LAMA3: variants seen among roughly 807,000 people sequenced by gnomAD.
The protein encoded by LAMA3 is laminin subunit alpha-3.
LAMA3 carries 281 observed loss-of-function variants against 402.0 expected under a neutral mutation model. The observed-to-expected ratio is 0.70, with a 90% CI of 0.63 to 0.77. The LOEUF (loss-of-function observed/expected upper bound fraction) is 0.77, where lower values mean the gene tolerates loss of function less well. LAMA3 is among the 30% of genes least tolerant of loss of function. LAMA3 has a pLI of 0.00. For missense variants in LAMA3, 3,840 were observed against 4,215.5 expected (o/e 0.91, Z 2.47); for synonymous variants, 1,431 against 1,558.4 (o/e 0.92, Z 1.93).
rs2063817376 is a variant in LAMA3, at chr18:23,846,444, C to A, written c.3867C>A (p.Pro1289=). The A allele has an allele frequency of 6.2e-7, 1 of 1,613,784 alleles. No individual in the cohort carries two copies. The highest frequency in any genetic ancestry group is 1.3e-5 in the African/African-American group (1 of 75,064). The change falls in exon 31 of 75, where the codon CCC becomes CCA. Residue 1289 remains proline, a synonymous_variant. Transcript: ENST00000313654. The part of the protein sequence containing the change: ...SPEGGQCPCQ[P]NVIGRQCTRC... Reference sequence around the variant, plus strand: ...AGGGTGGGCAGTGCCCATGCCAGCCCAACGTCATCGGGCGGCAGTGCACCC... The same window carrying A: ...AGGGTGGGCAGTGCCCATGCCAGCCAAACGTCATCGGGCGGCAGTGCACCC...
At chr18:23,881,725 A>AG in intron 39 of LAMA3, among the ~76,000 whole-genome samples, 1 of 152,238 alleles carries the variant, frequency 6.6e-6, no homozygotes, top group Non-Finnish European at 1.5e-5. Flanking sequence ...GCCAATGTTA[A>AG]GCACCGCGTC....
intron 23 of LAMA3, among the ~76,000 whole-genome samples, chr18:23,829,583 C>T (rs2063454489): frequency 6.6e-6 from 1 of 152,174 alleles, no homozygotes; most frequent in African/African-American, 2.4e-5. Flanking sequence ...CATGAGGCCA[C>T]ATATTTGATT....
chr18:23,907,809 G>A lies in LAMA3; in HGVS notation c.6889G>A (p.Asp2297Asn), dbSNP rs758017873. ...AAAGAGCATGGTCAGAAAGGCCAAC[G>A]ACATCACAGATGAGGTTCTGGATGG... Reference protein sequence around the residue: ...SAKSMVRKANDITDEVLDGLN... With the variant: ...SAKSMVRKANNITDEVLDGLN... The change falls in exon 54 of 75, where the codon GAC (aspartate) becomes AAC (asparagine). Residue 2297 changes from aspartate (D) to asparagine (N), a missense_variant. This residue lies in a region of LAMA3 where 891 missense variants were observed against 857.5 expected (regional missense o/e 1.04). Coordinates refer to ENST00000313654, the MANE Select transcript of LAMA3 (RefSeq NM_198129.4). 9 of 1,614,024 alleles carry A rather than the reference G, an allele frequency of 5.6e-6. No homozygotes were observed. Among genetic ancestry groups the A allele is most frequent in the East Asian group, 2.2e-5 (1 of 44,882 alleles).
At chr18:23,817,814 T>C (rs1275629896) in intron 18 of LAMA3, among the ~76,000 whole-genome samples, 1 of 152,114 alleles carries the variant, frequency 6.6e-6, no homozygotes, top group East Asian at 1.9e-4. Context: ...GTAGGTTTGT[T>C]TTCCTGAAGA....
intron 62 of LAMA3, among the ~76,000 whole-genome samples, chr18:23,923,418 A>G (rs2081908663): frequency 6.6e-6 from 1 of 152,250 alleles, no homozygotes; most frequent in Non-Finnish European, 1.5e-5. Context: ...CAGGGATCAG[A>G]TTCCAAATAT....
At chr18:23,796,099 C>G (rs1351106482) in intron 12 of LAMA3, 2 of 441,194 alleles carry the variant, frequency 4.5e-6, no homozygotes, top group South Asian at 3.2e-5. Context: ...GCACCTGGAT[C>G]TTGGACTTCC....
chr18:23,735,109 C>T (rs540257167), intron 2 of LAMA3, among the ~76,000 whole-genome samples: 4 of 152,292 alleles, frequency 2.6e-5, no homozygotes, highest in Non-Finnish European at 4.4e-5. Context: ...AAGGGTTCCT[C>T]GTAGACTGCA....
chr18:23,706,093 AATATTAT>A (rs1568096452), intron 1 of LAMA3, among the ~76,000 whole-genome samples: 2 of 152,042 alleles, frequency 1.3e-5, no homozygotes, highest in Admixed American at 6.6e-5. Context: ...TTTTTCACTT[AATATTAT>A]ATTGCTGAGA....
Position 23,820,010 on chromosome 18 carries a change from A to C in LAMA3, c.2304+13A>C. Reference sequence around the variant, plus strand: ...GACCTCAGTACAGGTACGCAACCCGAAGAGAGCAGCTTCATGGCTGAGTAG... The same window carrying C: ...GACCTCAGTACAGGTACGCAACCCGCAGAGAGCAGCTTCATGGCTGAGTAG... On this transcript the variant is annotated intron_variant, in intron 19 of 74. Transcript: ENST00000313654. 1 of 1,613,922 alleles carries C rather than the reference A, an allele frequency of 6.2e-7. No homozygotes were observed. Among genetic ancestry groups the C allele is most frequent in the Non-Finnish European group, 8.5e-7 (1 of 1,179,854 alleles).
chr18:23,851,742 C>T (rs1486479118), intron 32 of LAMA3, among the ~76,000 whole-genome samples: 1 of 152,190 alleles, frequency 6.6e-6, no homozygotes, highest in Non-Finnish European at 1.5e-5. Flanking sequence ...TATCCTATTC[C>T]ACCTTTATTG....
chr18:23,844,548 G>A (rs915264352), intron 29 of LAMA3, among the ~76,000 whole-genome samples: 7 of 152,184 alleles, frequency 4.6e-5, no homozygotes. Context: ...CTCTGCCTGG[G>A]AACTCATCAT....
At chr18:23,946,940 C>CT (rs1166113918) in intron 70 of LAMA3, 1 of 152,424 alleles carries the variant, frequency 6.6e-6, no homozygotes, top group Non-Finnish European at 1.5e-5. Flanking sequence ...AAAGCTGTTC[C>CT]TTGTCCTCGT....
chr18:23,797,611 A>C (rs2062789545), intron 12 of LAMA3, among the ~76,000 whole-genome samples: 2 of 152,106 alleles, frequency 1.3e-5, no homozygotes, highest in African/African-American at 4.8e-5. Context: ...GCTACTCGGG[A>C]GGCTGAGGCA....
At chr18:23,753,700 G>C (rs1397139891) in intron 5 of LAMA3, 21 bp from the exon 6 acceptor site, 1 of 1,593,882 alleles carries the variant, frequency 6.3e-7, no homozygotes, top group East Asian at 2.2e-5. Flanking sequence ...AAACTTGCAT[G>C]TTCTGTGTTC....
intron 70 of LAMA3, 101 bp downstream of exon 70, chr18:23,946,385 A>G (rs1206852780): frequency 8.1e-7 from 1 of 1,227,558 alleles, no homozygotes; most frequent in Non-Finnish European, 1.2e-6. Context: ...GAGAATCTCA[A>G]AATACTTTAA....
chr18:23,749,432 TA>T lies in LAMA3; in HGVS notation c.573del (p.Val192Ter). The T allele has an allele frequency of 6.5e-7, 1 of 1,541,014 alleles. No homozygotes were observed. Among genetic ancestry groups the T allele is most frequent in the Non-Finnish European group, 9.0e-7 (1 of 1,115,900 alleles). ...ATTAAAATATTTTCCTTCTAGATTC[TA>T]AAGTAGACTGTTTAAAAGAATTTGG... Reference protein sequence around the residue: ...YSPWQYFAHSKVDCLKEFGRE... With the variant: ...YSPWQYFAHSXVDCLKEFGRE... On this transcript the variant is annotated frameshift_variant, in exon 4 of 75. Coordinates refer to ENST00000313654, the MANE Select transcript of LAMA3 (RefSeq NM_198129.4). LOFTEE classifies it high-confidence loss of function.
At position 23,809,988 on chromosome 18, in the gene LAMA3, G is replaced by C. The variant is rs2063036402; in HGVS notation, c.1604-378G>C. On this transcript the variant is annotated intron_variant, in intron 12 of 74. Transcript: ENST00000313654. ...CTCCTACAAATACTGGTTTCTGTAG[G>C]TGAGCAGAATCCCCAAAACCATCAC... Among the ~76,000 whole-genome samples, 8 of 152,188 alleles carry C rather than the reference G, an allele frequency of 5.3e-5. No individual in the cohort carries two copies. In the South Asian group the frequency reaches 1.2e-3, roughly 24 times the overall value.
chr18:23,718,937 G>A (rs1460892003), intron 2 of LAMA3, among the ~76,000 whole-genome samples: 1 of 152,226 alleles, frequency 6.6e-6, no homozygotes, highest in Non-Finnish European at 1.5e-5. Flanking sequence ...TAGTTGGTGG[G>A]AAAATACCGC....
chr18:23,934,546 G>A (rs552583001), intron 67 of LAMA3, among the ~76,000 whole-genome samples: 66 of 152,318 alleles, frequency 4.3e-4, no homozygotes, highest in Non-Finnish European at 7.9e-4. Flanking sequence ...TTGAACACAG[G>A]ATCAGGGTTT....
Sources: allele counts gnomAD v4.1 joint callset (sites outside exome capture counted in the v4.1 genomes callset), GRCh38; gene constraint gnomAD v4.1.1; regional missense constraint gnomAD v4.1.1; transcripts MANE v1.5; gene names NCBI Gene and HGNC (gene_info 2026-07-23, HGNC 2026-07-21).